Variants in NOL4 observed in about 807,000 individuals in gnomAD.
NOL4 encodes the protein cancer/testis antigen 125.
Under a neutral mutation model 75.9 loss-of-function variants are expected in NOL4, and 17 were observed. The ratio of observed to expected loss-of-function variants is 0.22; its 90% confidence interval spans 0.15 to 0.34. NOL4 has a LOEUF of 0.34. Ranked by LOEUF, NOL4 falls within the 10% of genes least tolerant of loss-of-function variation. NOL4 has a pLI of 1.00. For synonymous variants in NOL4, 292 were observed against 289.9 expected, an observed-to-expected ratio of 1.01 and a Z score of -0.07; for missense variants, 614 against 793.5, an observed-to-expected ratio of 0.77 and a Z score of 2.72.
At chr18:34,024,984 T>G (rs1379046600) in intron 5 of NOL4, among the ~76,000 whole-genome samples, 2 of 152,080 alleles carry the variant, frequency 1.3e-5, no homozygotes, top group Admixed American at 1.3e-4. Flanking sequence ...ATCCAACAAC[T>G]ACCCAGTAGA....
At chr18:34,004,501 GT>G (rs1158761743) in intron 6 of NOL4, among the ~76,000 whole-genome samples, 2 of 151,792 alleles carry the variant, frequency 1.3e-5, no homozygotes, top group African/African-American at 4.8e-5. Flanking sequence ...GATATTTTTT[GT>G]TTTGTTTTCA....
intron 9 of NOL4, among the ~76,000 whole-genome samples, chr18:33,931,626 T>C (rs1045009054): frequency 6.6e-6 from 1 of 151,942 alleles, no homozygotes; most frequent in Admixed American, 6.6e-5. Context: ...CCCAGTTACT[T>C]GGGCGGCTGA....
chr18:34,153,050 A>G (rs2081720555), intron 1 of NOL4, among the ~76,000 whole-genome samples: 1 of 151,904 alleles, frequency 6.6e-6, no homozygotes. Flanking sequence ...TGCCAAAATT[A>G]AGAGTTAGTT....
intron 1 of NOL4, among the ~76,000 whole-genome samples, chr18:34,142,516 T>C (rs1050320307): frequency 6.6e-6 from 1 of 152,058 alleles, no homozygotes; most frequent in Non-Finnish European, 1.5e-5. Context: ...AAATGATGAG[T>C]TCATGTCCTT....
intron 1 of NOL4, among the ~76,000 whole-genome samples, chr18:34,162,643 G>A (rs1229076225): frequency 1.3e-5 from 2 of 152,094 alleles, no homozygotes; most frequent in Non-Finnish European, 2.9e-5. Context: ...ATTCACAGCT[G>A]AATTCTACCA....
At position 33,904,013 on chromosome 18, in the gene NOL4, T is replaced by A. The variant is rs117126417; in HGVS notation, c.1543-20589A>T. The stretch of plus-strand genomic sequence containing the variant: ...AAAGATGGATTCACAGATGCCTAAA[T>A]GGCTGATGGTTCAACACATAAAACT... On this transcript the variant is annotated intron_variant, in intron 9 of 10. Transcript: ENST00000261592. 3.0e-3 allele frequency among the ~76,000 whole-genome samples: 454 copies of A among 152,298 alleles called. 1 individual carries two copies. The highest frequency in any genetic ancestry group is 4.5e-3 in the Non-Finnish European group (309 of 68,018).
intron 1 of NOL4, among the ~76,000 whole-genome samples, chr18:34,195,655 A>G (rs2035275095): frequency 6.6e-6 from 1 of 152,022 alleles, no homozygotes; most frequent in Admixed American, 6.6e-5. Flanking sequence ...ATTTAAATTT[A>G]ACAAAGCTTT....
chr18:33,895,945 C>T (rs1003709139), intron 9 of NOL4, among the ~76,000 whole-genome samples: 1 of 152,078 alleles, frequency 6.6e-6, no homozygotes, highest in Non-Finnish European at 1.5e-5. Flanking sequence ...TGATAAACAA[C>T]TTAGCAAAGT....
chr18:33,930,051 C>G (rs1305410097), intron 9 of NOL4, among the ~76,000 whole-genome samples: 1 of 152,034 alleles, frequency 6.6e-6, no homozygotes, highest in Non-Finnish European at 1.5e-5. Context: ...CTTTCATGTA[C>G]AGCAAGTACA....
At chr18:34,137,876 T>C (rs1197236275) in intron 1 of NOL4, among the ~76,000 whole-genome samples, 4 of 151,794 alleles carry the variant, frequency 2.6e-5, no homozygotes, top group South Asian at 4.2e-4. Flanking sequence ...TGAATATTAA[T>C]AGTAGCATAT....
At chr18:34,164,513 C>T (rs1239727570) in intron 1 of NOL4, among the ~76,000 whole-genome samples, 1 of 152,198 alleles carries the variant, frequency 6.6e-6, no homozygotes, top group Non-Finnish European at 1.5e-5. Flanking sequence ...CACTGGCCAT[C>T]AGAGAGATGC....
chr18:33,868,649 TCACACACACACACACACACACA>T (rs10669407), intron 10 of NOL4, among the ~76,000 whole-genome samples: 5 of 137,956 alleles, frequency 3.6e-5, no homozygotes, highest in Non-Finnish European at 7.8e-5. Flanking sequence ...TTCCTGTATT[TCACACACACACACACACACACA>T]CACACACACA....
At position 33,958,519 on chromosome 18, in the gene NOL4, TATGAGTTG is replaced by T. The variant is rs537898774; in HGVS notation, c.1057-109_1057-102del. ...TCAACTGTTTCTCAAAAATCTTGTTTATGAGTTGATAACTCTAGAGCTGTGGTGATTTT... is the reference window on the plus strand; with the variant it reads ...TCAACTGTTTCTCAAAAATCTTGTTTATAACTCTAGAGCTGTGGTGATTTT... On this transcript the variant is annotated intron_variant, in intron 6 of 10. Coordinates refer to ENST00000261592, the MANE Select transcript of NOL4 (RefSeq NM_003787.5). The T allele has an allele frequency of 2.3e-4, 239 of 1,020,952 alleles. 2 individuals carry two copies. The South Asian group carries it at 4.4e-3, about 19-fold the overall frequency. The allele number at this position is 1,020,952 out of a possible 1,614,324, so 63.2% of individuals were successfully genotyped here. A position where few individuals can be genotyped will look rare whatever the true frequency, so the allele number is the denominator to read the frequency against.
Position 34,160,132 on chromosome 18 carries a change from C to T in NOL4, c.265-30112G>A, listed in dbSNP as rs188961347. Among the ~76,000 whole-genome samples, 353 of 152,198 alleles carry T rather than the reference C, an allele frequency of 2.3e-3. 3 individuals carry two copies. The highest frequency in any genetic ancestry group is 6.9e-3 in the African/African-American group (288 of 41,526). ...GCTAAGTCAACGGGGACTCTTGCCT[C>T]GCTTTCCAATATATCAAAAGGAGGA... On this transcript the variant is annotated intron_variant, in intron 1 of 10. Transcript: ENST00000261592.
At chr18:34,092,321 A>T (rs12608008) in intron 5 of NOL4, among the ~76,000 whole-genome samples, 129,005 of 152,136 alleles carry the variant, frequency 0.85, 54,830 homozygotes, top group East Asian at 0.96. Context: ...AATAGCTATT[A>T]TAGCACGTAG....
intron 5 of NOL4, among the ~76,000 whole-genome samples, chr18:34,061,783 T>G (rs1419006218): frequency 6.6e-6 from 1 of 152,148 alleles, no homozygotes; most frequent in Non-Finnish European, 1.5e-5. Context: ...ATATTTTTAT[T>G]CATAATATTA....
intron 2 of NOL4, among the ~76,000 whole-genome samples, chr18:34,126,951 C>A (rs1242378230): frequency 6.6e-6 from 1 of 151,596 alleles, no homozygotes; most frequent in African/African-American, 2.4e-5. Flanking sequence ...GAAACACATT[C>A]AATGTACCAG....
chr18:34,059,131 AT>A (rs2076960413), intron 5 of NOL4, among the ~76,000 whole-genome samples: 4 of 89,682 alleles, frequency 4.5e-5, no homozygotes, highest in Non-Finnish European at 6.9e-5. Context: ...ACATATATAT[AT>A]ATATATATAT....
At chr18:34,154,504 G>C (rs1483694527) in intron 1 of NOL4, among the ~76,000 whole-genome samples, 1 of 151,972 alleles carries the variant, frequency 6.6e-6, no homozygotes, top group South Asian at 2.1e-4. Context: ...ACATGCTGTA[G>C]TGTGTAGAAG....
Sources: allele counts gnomAD v4.1 joint callset (sites outside exome capture counted in the v4.1 genomes callset), GRCh38; gene constraint gnomAD v4.1.1; transcripts MANE v1.5; gene names NCBI Gene and HGNC (gene_info 2026-07-23, HGNC 2026-07-21).